Variants in PRH1 observed in about 807,000 individuals in gnomAD.
The protein encoded by PRH1 is salivary acidic proline-rich phosphoprotein 1/2.
PRH1 carries 7 observed loss-of-function variants against 7.9 expected under a neutral mutation model. That is an observed-to-expected ratio of 0.89 (90% confidence interval 0.50 to 1.67). The LOEUF (loss-of-function observed/expected upper bound fraction) is 1.67, where lower values mean the gene tolerates loss of function less well. Ranked by LOEUF, PRH1 falls within the 40% of genes most tolerant of loss-of-function variation. The pLI is 0.00. For synonymous variants in PRH1, 45 were observed against 80.8 expected, an observed-to-expected ratio of 0.56 and a Z score of 2.38; for missense variants, 109 against 223.6, an observed-to-expected ratio of 0.49 and a Z score of 3.27.
chr12:11,135,741 C>A (rs1278361892), intron 1 of PRH1, among the ~76,000 whole-genome samples: 2 of 152,180 alleles, frequency 1.3e-5, no homozygotes, highest in South Asian at 2.1e-4. Context: ...TAGAAGAAAT[C>A]CTTTGGAAAA....
intron 2 of PRH1, among the ~76,000 whole-genome samples, chr12:10,956,473 T>C (rs941083954): frequency 6.6e-6 from 1 of 152,114 alleles, no homozygotes; most frequent in African/African-American, 2.4e-5. Context: ...TCATACTAAA[T>C]GGGCAAAACT....
At chr12:11,164,491 G>A (rs1203823388) in intron 1 of PRH1, among the ~76,000 whole-genome samples, 1 of 152,090 alleles carries the variant, frequency 6.6e-6, no homozygotes, top group Non-Finnish European at 1.5e-5. Flanking sequence ...TGATTCTGTT[G>A]GATCTGTTTA....
In PRH1 at chr12:11,107,880, G is replaced by C. The variant is rs545205923; in HGVS notation, n.124-60692C>G. ...TAATAATCAATTTCCCTAAGCTCAA[G>C]GATAAAGAAAGGATTCTGAAAGCAG... On this transcript the variant is annotated intron_variant and non_coding_transcript_variant, in intron 1 of 4. Transcript: ENST00000541977. 2.6e-5 allele frequency among the ~76,000 whole-genome samples: 4 copies of C among 152,266 alleles called. No individual in the cohort carries two copies. In the East Asian group the frequency reaches 7.7e-4, roughly 29 times the overall value.
Position 10,884,154 on chromosome 12 carries a change from C to T in PRH1, c.64G>A (p.Asp22Asn). The T allele has an allele frequency of 1.9e-6, 3 of 1,614,012 alleles. No homozygotes were observed. The South Asian group carries it at 3.3e-5, about 18-fold the overall frequency. ...AFSSAQDLNEDVSQEDVPLVI... is the reference protein window; with the variant it reads ...AFSSAQDLNENVSQEDVPLVI... ...AATATCTTCCCCCAATTCATCTTAC[C>T]TTCATTTAAATCCTGAGCTGAGCTG... Residue 22 changes from aspartate (D) to asparagine (N), a missense_variant and splice_region_variant, in exon 1 of 4, where the codon GAT becomes AAT. Coordinates refer to ENST00000543626, the MANE Select transcript of PRH1 (RefSeq NM_001393989.1).
At chr12:10,962,133 G>A (rs1309787940) in intron 2 of PRH1, among the ~76,000 whole-genome samples, 1 of 152,030 alleles carries the variant, frequency 6.6e-6, no homozygotes, top group Non-Finnish European at 1.5e-5. Flanking sequence ...CCAAAGCTAA[G>A]ATATTCATTC....
At chr12:10,975,886 T>A (rs1939071326) in intron 1 of PRH1, among the ~76,000 whole-genome samples, 1 of 152,162 alleles carries the variant, frequency 6.6e-6, no homozygotes, top group South Asian at 2.1e-4. Context: ...TCTGAATATA[T>A]ATGCAGCCAA....
chr12:10,954,806 T>C (rs1340056386), intron 2 of PRH1, among the ~76,000 whole-genome samples: 1 of 152,092 alleles, frequency 6.6e-6, no homozygotes, highest in African/African-American at 2.4e-5. Flanking sequence ...CAAAACTGTC[T>C]TTAACCAGCA....
At chr12:10,918,201 C>A (rs1366952159) in intron 2 of PRH1, among the ~76,000 whole-genome samples, 1 of 152,020 alleles carries the variant, frequency 6.6e-6, no homozygotes, top group African/African-American at 2.4e-5. Flanking sequence ...AGGGGAACAA[C>A]ACTTAGCGGG....
At position 11,095,098 on chromosome 12, in the gene PRH1, C is replaced by G. The variant is rs564436907; in HGVS notation, n.124-47910G>C. Among the ~76,000 whole-genome samples the G allele has an allele frequency of 2.2e-3, 68 of 31,350 alleles. 9 individuals carry two copies. Among genetic ancestry groups the G allele is most frequent in the Middle Eastern group, 0.013 (2 of 154 alleles). 20.6% of individuals were successfully genotyped at this position (31,350 alleles called of 152,430 possible). A position where few individuals can be genotyped will look rare whatever the true frequency, so the allele number is the denominator to read the frequency against. On this transcript the variant is annotated intron_variant and non_coding_transcript_variant, in intron 1 of 4. Transcript: ENST00000541977. ...ACATTATGTTTCTGAAATTTAGTCA[C>G]ATAGTTGCAAGCACATGTGATTTTT...
intron 1 of PRH1, among the ~76,000 whole-genome samples, chr12:11,104,181 T>TAAAAAAAAAAA (rs760838136): frequency 4.0e-5 from 2 of 49,564 alleles, no homozygotes; most frequent in African/African-American, 8.4e-5. Context: ...AATGAAAGAG[T>TAAAAAAAAAAA]AAAAAAAAAA....
chr12:10,910,301 T>C (rs930786637), intron 2 of PRH1, among the ~76,000 whole-genome samples: 15 of 152,044 alleles, frequency 9.9e-5, no homozygotes, highest in African/African-American at 2.7e-4. Flanking sequence ...TAACTAATAA[T>C]AAAATAGAAC....
intron 1 of PRH1, among the ~76,000 whole-genome samples, chr12:11,155,086 A>T (rs555746079): frequency 6.6e-6 from 1 of 152,346 alleles, no homozygotes; most frequent in South Asian, 2.1e-4. Context: ...TAACATAAAA[A>T]CATTTTCATT....
intron 2 of PRH1, chr12:10,973,537 T>C: frequency 3.4e-6 from 2 of 591,042 alleles, no homozygotes; most frequent in Non-Finnish European, 3.1e-6. Flanking sequence ...GTAGGCTTTA[T>C]GAGAAGTTAG....
chr12:11,077,402 T>A, intron 1 of PRH1: 1 of 544,726 alleles, frequency 1.8e-6, no homozygotes, highest in Non-Finnish European at 3.1e-6. Context: ...CTGCTTCCCA[T>A]AATCAGGAAG....
intron 1 of PRH1, among the ~76,000 whole-genome samples, chr12:11,094,281 GAC>G (rs1945019253): frequency 1.6e-5 from 1 of 61,634 alleles, no homozygotes; most frequent in South Asian, 4.9e-4. Flanking sequence ...CAGCCTGAGT[GAC>G]AGACCAAGAC....
chr12:10,958,990 C>A (rs1938106581), intron 2 of PRH1, among the ~76,000 whole-genome samples: 1 of 152,086 alleles, frequency 6.6e-6, no homozygotes, highest in Non-Finnish European at 1.5e-5. Context: ...ATGTGCAGAA[C>A]TAGAAAGAAT....
chr12:10,937,207 TC>T (rs1950302223), intron 2 of PRH1, among the ~76,000 whole-genome samples: 1 of 872 alleles, frequency 1.1e-3, no homozygotes, highest in African/African-American at 1.3e-3. Context: ...ATTTTATTTC[TC>T]TCTCTCTCTC....
chr12:11,061,351 C>T lies in PRH1; in HGVS notation n.124-14163G>A, dbSNP rs749985491. The T allele has an allele frequency of 4.4e-6, 7 of 1,605,946 alleles. No homozygotes were observed. The Admixed American group carries it at 5.1e-5, about 12-fold the overall frequency. ...GTTTTCTGCTAGAAGATACACAATG[C>T]TGCTCTTGTGAATCTATGAAGATGA... is the stretch of plus-strand genomic sequence containing the variant. On this transcript the variant is annotated intron_variant and non_coding_transcript_variant, in intron 1 of 4. Transcript: ENST00000541977.
chr12:11,092,091 T>A (rs1368607287), intron 1 of PRH1: 1 of 1,501,896 alleles, frequency 6.7e-7, no homozygotes, highest in East Asian at 2.2e-5. Flanking sequence ...GCAGTGAGAA[T>A]TTGGTCAGCA....
Sources: allele counts gnomAD v4.1 joint callset (sites outside exome capture counted in the v4.1 genomes callset), GRCh38; gene constraint gnomAD v4.1.1; transcripts MANE v1.5; gene names NCBI Gene and HGNC (gene_info 2026-07-23, HGNC 2026-07-21).